The following ZNF385D variants were observed in gnomAD, a reference collection of about 807,000 sequenced individuals.
The protein encoded by ZNF385D is zinc finger protein 659.
Under a neutral mutation model 35.8 loss-of-function variants are expected in ZNF385D, and 15 were observed. The observed-to-expected ratio is 0.42, with a 90% CI of 0.28 to 0.64. The LOEUF (loss-of-function observed/expected upper bound fraction) is 0.64. ZNF385D is among the 30% of genes least tolerant of loss of function. The pLI is 0.23. For missense variants in ZNF385D, 474 were observed against 494.6 expected (o/e 0.96, Z 0.39); for synonymous variants, 212 against 186.8 (o/e 1.13, Z -1.10).
At chr3:22,018,592 C>T (rs1162782693) in intron 3 of ZNF385D, among the ~76,000 whole-genome samples, 2 of 152,048 alleles carry the variant, frequency 1.3e-5, no homozygotes, top group East Asian at 3.9e-4. Flanking sequence ...TTCTCTATGA[C>T]TTTAATTAAT....
At chr3:21,876,603 G>A (rs1697986274) in intron 3 of ZNF385D, among the ~76,000 whole-genome samples, 1 of 151,832 alleles carries the variant, frequency 6.6e-6, no homozygotes, top group Non-Finnish European at 1.5e-5. Flanking sequence ...TGTGCTCAGT[G>A]CTGGGTAAAT....
At chr3:22,002,778 G>A (rs1164614763) in intron 3 of ZNF385D, among the ~76,000 whole-genome samples, 1 of 152,098 alleles carries the variant, frequency 6.6e-6, no homozygotes, top group African/African-American at 2.4e-5. Flanking sequence ...TGCAAGATTT[G>A]TTCAACATAC....
At chr3:22,173,729 T>A (rs907064243) in intron 2 of ZNF385D, among the ~76,000 whole-genome samples, 7 of 152,156 alleles carry the variant, frequency 4.6e-5, no homozygotes, top group African/African-American at 1.7e-4. Context: ...TGAAATGACC[T>A]TCTCCTATCT....
chr3:21,914,724 G>A (rs915579047), intron 3 of ZNF385D, among the ~76,000 whole-genome samples: 2 of 151,978 alleles, frequency 1.3e-5, no homozygotes, highest in Non-Finnish European at 2.9e-5. Context: ...TTATGAATGT[G>A]CAGCATCTTA....
intron 3 of ZNF385D, among the ~76,000 whole-genome samples, chr3:22,125,037 T>G (rs1432606473): frequency 6.6e-6 from 1 of 152,106 alleles, no homozygotes. Context: ...ATTTTAGCAG[T>G]TTCATAGTTT....
chr3:21,437,414 T>A (rs138996431), intron 4 of ZNF385D, among the ~76,000 whole-genome samples: 1 of 152,166 alleles, frequency 6.6e-6, no homozygotes, highest in African/African-American at 2.4e-5. Flanking sequence ...TTCAGATGAT[T>A]CTTGAACATC....
intron 3 of ZNF385D, among the ~76,000 whole-genome samples, chr3:21,959,736 C>A (rs1463667163): frequency 6.6e-6 from 1 of 152,108 alleles, no homozygotes; most frequent in East Asian, 1.9e-4. Context: ...CAAGAAGGAT[C>A]TAGGAAGGTA....
chr3:22,205,724 T>C (rs749515470), intron 2 of ZNF385D, among the ~76,000 whole-genome samples: 53 of 152,066 alleles, frequency 3.5e-4, no homozygotes, highest in Middle Eastern at 6.8e-3. Context: ...GCAAGCCCCA[T>C]GGTAACTCCA....
chr3:22,321,885 TTGAG>T (rs1350063252), intron 2 of ZNF385D, among the ~76,000 whole-genome samples: 3 of 152,192 alleles, frequency 2.0e-5, no homozygotes, highest in African/African-American at 4.8e-5. Flanking sequence ...ACTCCCTTTA[TTGAG>T]TGTCTCAATA....
intron 3 of ZNF385D, among the ~76,000 whole-genome samples, chr3:22,084,427 C>A (rs1187615316): frequency 1.3e-5 from 2 of 152,080 alleles, no homozygotes; most frequent in East Asian, 1.9e-4. Context: ...GGGTTGCAAT[C>A]CTAGTCTCTG....
intron 2 of ZNF385D, among the ~76,000 whole-genome samples, chr3:22,199,681 T>C (rs1449474109): frequency 6.6e-6 from 1 of 152,098 alleles, no homozygotes; most frequent in Non-Finnish European, 1.5e-5. Context: ...GGAAACACTG[T>C]AGTAAAAAAT....
intron 4 of ZNF385D, among the ~76,000 whole-genome samples, chr3:21,492,383 T>C (rs1360041981): frequency 6.9e-6 from 1 of 144,376 alleles, no homozygotes; most frequent in Non-Finnish European, 1.5e-5. Flanking sequence ...AATGGTTTTT[T>C]ATAAACAAAC....
At chr3:22,183,102 T>C (rs1695394028) in intron 2 of ZNF385D, among the ~76,000 whole-genome samples, 1 of 152,050 alleles carries the variant, frequency 6.6e-6, no homozygotes, top group Non-Finnish European at 1.5e-5. Flanking sequence ...TAATTGAAGG[T>C]GGTTTTTAGC....
chr3:21,636,413 TA>T (rs3996210), intron 2 of ZNF385D, among the ~76,000 whole-genome samples: 2,653 of 25,448 alleles, frequency 0.1, 190 homozygotes, highest in African/African-American at 0.16. Flanking sequence ...TATATATATA[TA>T]GAGTTTCTTA....
At chr3:21,803,712 T>A (rs1393941131) in intron 3 of ZNF385D, among the ~76,000 whole-genome samples, 2 of 152,146 alleles carry the variant, frequency 1.3e-5, no homozygotes, top group Non-Finnish European at 2.9e-5. Flanking sequence ...TTTTTCTCAG[T>A]CTTCATCATT....
chr3:21,476,657 CT>C (rs1290561508), intron 4 of ZNF385D, among the ~76,000 whole-genome samples: 1 of 151,822 alleles, frequency 6.6e-6, no homozygotes, highest in Non-Finnish European at 1.5e-5. Context: ...AGTGGCTCTT[CT>C]TTTGAGATTA....
At chr3:21,801,676 G>A (rs1019192803) in intron 3 of ZNF385D, among the ~76,000 whole-genome samples, 2 of 152,042 alleles carry the variant, frequency 1.3e-5, no homozygotes, top group East Asian at 1.9e-4. Flanking sequence ...CTAAACTCAC[G>A]CAGCTGATAT....
At chr3:21,958,818 T>C (rs1395266525) in intron 3 of ZNF385D, 2 of 152,174 alleles carry the variant, frequency 1.3e-5, no homozygotes, top group African/African-American at 4.8e-5. Context: ...ATATTATTTT[T>C]TCTCTCTTAA....
At chr3:21,483,324 T>C (rs1035034083) in intron 4 of ZNF385D, among the ~76,000 whole-genome samples, 1 of 152,204 alleles carries the variant, frequency 6.6e-6, no homozygotes, top group African/African-American at 2.4e-5. Context: ...AGTTTATTCC[T>C]CTTTACTGCT....
Sources: allele counts gnomAD v4.1 joint callset (sites outside exome capture counted in the v4.1 genomes callset), GRCh38; gene constraint gnomAD v4.1.1; transcripts MANE v1.5; gene names NCBI Gene and HGNC (gene_info 2026-07-23, HGNC 2026-07-21).